Variants in CD274 observed in about 807,000 individuals in gnomAD.
CD274 encodes the protein programmed cell death 1 ligand 1.
Under a neutral mutation model 30.1 loss-of-function variants are expected in CD274, and 8 were observed. The ratio of observed to expected loss-of-function variants is 0.27; its 90% CI spans 0.16 to 0.48. CD274 has a LOEUF of 0.48. Among genes scored for constraint, CD274 ranks in the 20% least tolerant of loss-of-function variants. CD274 has a pLI of 0.99. For missense variants in CD274, 353 were observed against 346.6 expected (o/e 1.02, Z -0.15); for synonymous variants, 152 against 124.6 (o/e 1.22, Z -1.46).
chr9:5,460,456 C>T (rs1819384628), intron 3 of CD274, among the ~76,000 whole-genome samples: 1 of 152,068 alleles, frequency 6.6e-6, no homozygotes. Flanking sequence ...GTATTTTTCA[C>T]ATTTTGTTGT....
At position 5,469,291 on chromosome 9, in the gene CD274, T is replaced by C. The variant is rs998554261; in HGVS notation, c.*1429T>C. 4.3e-6 allele frequency: 1 copy of C among 232,736 alleles called. No homozygotes were observed. Among genetic ancestry groups the C allele is most frequent in the Non-Finnish European group, 8.5e-6 (1 of 117,830 alleles). The allele number at this position is 232,736 out of a possible 1,614,324, so 14.4% of individuals were successfully genotyped here. A position where few individuals can be genotyped will look rare whatever the true frequency, so the allele number is the denominator to read the frequency against. On this transcript the variant is annotated 3_prime_UTR_variant, in exon 7 of 7. Coordinates refer to ENST00000381577, the MANE Select transcript of CD274 (RefSeq NM_014143.4). ...GTTTAACAGTTCTGTCTTTTCTATT[T>C]AAATGCCACTAAATTTTAAATTCAT...
Position 5,466,694 on chromosome 9 carries a change from G to A in CD274, c.791-76G>A, listed in dbSNP as rs543758353. ...GGATTACAAATGTTTCACAGAACTT[G>A]AAATTTAAACTTGGGTCACTGTATG... is the stretch of plus-strand genomic sequence containing the variant. On this transcript the variant is annotated intron_variant, in intron 5 of 6. Transcript: ENST00000381577. 174 of 1,100,230 alleles carry A rather than the reference G, an allele frequency of 1.6e-4. 1 individual carries two copies. The South Asian group carries it at 2.4e-3, about 15-fold the overall frequency. 68.2% of individuals were successfully genotyped at this position (1,100,230 alleles called of 1,614,324 possible).
At position 5,468,090 on chromosome 9, in the gene CD274, G is replaced by A. The variant is rs959479467; in HGVS notation, c.*228G>A. The A allele has an allele frequency of 3.6e-6, 2 of 558,142 alleles. No homozygotes were observed. The highest frequency in any genetic ancestry group is 6.4e-6 in the Non-Finnish European group (2 of 313,268). The allele number at this position is 558,142 out of a possible 1,614,324, so 34.6% of individuals were successfully genotyped here. ...GAGGGAGACCTTGATACTTTCAAAT[G>A]CCTGAGGGGCTCATCGACGCCTGTG... On this transcript the variant is annotated 3_prime_UTR_variant, in exon 7 of 7. Transcript: ENST00000381577.
Position 5,465,553 on chromosome 9 carries a change from C to G in CD274, c.737C>G (p.Ala246Gly), listed in dbSNP as rs2131229964. The stretch of plus-strand genomic sequence containing the variant: ...AGGACTCACTTGGTAATTCTGGGAG[C>G]CATCTTATTATGCCTTGGTGTAGCA... Reference protein sequence around the residue: ...NERTHLVILGAILLCLGVALT... With the variant: ...NERTHLVILGGILLCLGVALT... The change falls in exon 5 of 7, where the codon GCC (alanine) becomes GGC (glycine). Residue 246 changes from alanine (A) to glycine (G), a missense_variant. Coordinates refer to ENST00000381577, the MANE Select transcript of CD274 (RefSeq NM_014143.4). 1 of 1,612,270 alleles carries G rather than the reference C, an allele frequency of 6.2e-7. No homozygotes were observed. The highest frequency in any genetic ancestry group is 8.5e-7 in the Non-Finnish European group (1 of 1,178,364).
chr9:5,457,243 G>C lies in CD274; in HGVS notation c.217G>C (p.Asp73His), dbSNP rs1324540301. The change falls in exon 3 of 7, where the codon GAC becomes CAC. Residue 73 changes from aspartate (D) to histidine (H), a missense_variant. Asp to His is a moderately conservative substitution (Grantham distance 81). Transcript: ENST00000381577. ...TATTCAATTTGTGCATGGAGAGGAA[G>C]ACCTGAAGGTTCAGCATAGTAGCTA... The part of the protein sequence containing the change: ...NIIQFVHGEE[D>H]LKVQHSSYRQ... 6.2e-7 allele frequency: 1 copy of C among 1,614,108 alleles called. No homozygotes were observed. Among genetic ancestry groups the C allele is most frequent in the South Asian group, 1.1e-5 (1 of 91,084 alleles).
At chr9:5,460,533 A>C (rs113640601) in intron 3 of CD274, among the ~76,000 whole-genome samples, 294 of 152,214 alleles carry the variant, frequency 1.9e-3, no homozygotes, top group Non-Finnish European at 3.2e-3. Flanking sequence ...TATTATTCCC[A>C]TTTTAAGGAT....
chr9:5,467,937 G>T lies in CD274; in HGVS notation c.*75G>T. On this transcript the variant is annotated 3_prime_UTR_variant, in exon 7 of 7. Transcript: ENST00000381577. ...TTAGGGGTTCATCGGGGCTGAGCGT[G>T]ACAAGAGGAAGGAATGGGCCCGTGG... The T allele has an allele frequency of 1.5e-6, 2 of 1,332,106 alleles. No individual in the cohort carries two copies. Among genetic ancestry groups the T allele is most frequent in the South Asian group, 2.3e-5 (2 of 85,162 alleles). The allele number at this position is 1,332,106 out of a possible 1,614,324, so 82.5% of individuals were successfully genotyped here.
In CD274 at chr9:5,457,175, T is replaced by G; in HGVS notation, c.149T>G (p.Leu50Arg). The G allele has an allele frequency of 6.2e-7, 1 of 1,613,274 alleles. No individual in the cohort carries two copies. The highest frequency in any genetic ancestry group is 8.5e-7 in the Non-Finnish European group (1 of 1,179,188). ...TTCCCAGTAGAAAAACAATTAGACC[T>G]GGCTGCACTAATTGTCTATTGGGAA... ...CKFPVEKQLD[L>R]AALIVYWEME... Residue 50 changes from leucine (L) to arginine (R), a missense_variant, in exon 3 of 7, where the codon CTG (leucine) becomes CGG (arginine). Transcript: ENST00000381577.
rs753140219 is a variant in CD274, at chr9:5,468,185, G to A, written c.*323G>A. The A allele has an allele frequency of 1.1e-5, 4 of 368,800 alleles. No individual in the cohort carries two copies. Among genetic ancestry groups the A allele is most frequent in the Non-Finnish European group, 2.0e-5 (4 of 203,422 alleles). 22.8% of individuals were successfully genotyped at this position (368,800 alleles called of 1,614,324 possible). On this transcript the variant is annotated 3_prime_UTR_variant, in exon 7 of 7. Coordinates refer to ENST00000381577, the MANE Select transcript of CD274 (RefSeq NM_014143.4). Reference sequence around the variant, plus strand: ...CATCCATTGCTCATCCTAGGAAGACGGGTTGAGAATCCCTAATTTGAGGGT... The same window carrying A: ...CATCCATTGCTCATCCTAGGAAGACAGGTTGAGAATCCCTAATTTGAGGGT...
At chr9:5,452,061 T>C (rs1282247969) in intron 1 of CD274, among the ~76,000 whole-genome samples, 2 of 147,180 alleles carry the variant, frequency 1.4e-5, no homozygotes, top group Admixed American at 6.9e-5. Context: ...AGTCTCACTC[T>C]GTTGCCCATG....
intron 4 of CD274, among the ~76,000 whole-genome samples, chr9:5,464,882 T>A (rs1819469801): frequency 6.6e-6 from 1 of 151,916 alleles, no homozygotes; most frequent in South Asian, 2.1e-4. Context: ...AGGTCAGGAG[T>A]TTGTGACCAG....
In CD274 at chr9:5,469,603, G is replaced by A. The variant is rs753594251; in HGVS notation, c.*1741G>A. 1.3e-4 allele frequency: 31 copies of A among 232,048 alleles called. No homozygotes were observed. Among genetic ancestry groups the A allele is most frequent in the Non-Finnish European group, 2.5e-4 (29 of 117,438 alleles). 14.4% of individuals were successfully genotyped at this position (232,048 alleles called of 1,614,324 possible). A position where few individuals can be genotyped will look rare whatever the true frequency, so the allele number is the denominator to read the frequency against. ...ATGGAATGAATTTGAAGTTCCCAGG[G>A]CTGAGGATCCATGCCTTCTTTGTTT... On this transcript the variant is annotated 3_prime_UTR_variant, in exon 7 of 7. Coordinates refer to ENST00000381577, the MANE Select transcript of CD274 (RefSeq NM_014143.4).
chr9:5,463,355 A>T, intron 4 of CD274: 1 of 521,226 alleles, frequency 1.9e-6, no homozygotes, highest in Non-Finnish European at 3.5e-6. Flanking sequence ...GCATTGTAGT[A>T]CTCATTGGAT....
chr9:5,463,988 G>T (rs1536926), intron 4 of CD274, among the ~76,000 whole-genome samples: 81,890 of 151,844 alleles, frequency 0.54, 22,505 homozygotes, highest in East Asian at 0.87. Flanking sequence ...GAGAAGAGCT[G>T]CTCACTGCCC....
intron 3 of CD274, 82 bp downstream of exon 3, chr9:5,457,502 C>G: frequency 9.1e-7 from 1 of 1,099,982 alleles, no homozygotes; most frequent in Non-Finnish European, 1.3e-6. Flanking sequence ...CTTGTAAGTC[C>G]ATACTTATTT....
At chr9:5,458,039 A>G (rs1257812383) in intron 3 of CD274, among the ~76,000 whole-genome samples, 1 of 152,206 alleles carries the variant, frequency 6.6e-6, no homozygotes, top group East Asian at 1.9e-4. Context: ...GTACAGGATA[A>G]GCCATACTTA....
In CD274 at chr9:5,457,430, A is replaced by G. The variant is rs752966457; in HGVS notation, c.394+10A>G. ...ACTGTGAAAGTCAATGGTAAGAATTATTATAGATGAGAGGCCTGATCTTTA... is the reference window on the plus strand; with the variant it reads ...ACTGTGAAAGTCAATGGTAAGAATTGTTATAGATGAGAGGCCTGATCTTTA... On this transcript the variant is annotated intron_variant, in intron 3 of 6. Transcript: ENST00000381577. 1.9e-6 allele frequency: 3 copies of G among 1,603,362 alleles called. No individual in the cohort carries two copies. The highest frequency in any genetic ancestry group is 2.2e-5 in the East Asian group (1 of 44,788).
At position 5,469,314 on chromosome 9, in the gene CD274, CA is replaced by C. The variant is rs1312980229; in HGVS notation, c.*1453del. The C allele has an allele frequency of 1.7e-5, 4 of 232,526 alleles. No individual in the cohort carries two copies. Among genetic ancestry groups the C allele is most frequent in the African/African-American group, 8.8e-5 (4 of 45,262 alleles). The allele number at this position is 232,526 out of a possible 1,614,324, so 14.4% of individuals were successfully genotyped here. On this transcript the variant is annotated 3_prime_UTR_variant, in exon 7 of 7. Transcript: ENST00000381577. ...TTTAAATGCCACTAAATTTTAAATT[CA>C]TACCTTTCCATGATTCAAAATTCAA...
At chr9:5,456,682 A>G (rs1020572399) in intron 2 of CD274, among the ~76,000 whole-genome samples, 3 of 152,254 alleles carry the variant, frequency 2.0e-5, no homozygotes, top group Non-Finnish European at 4.4e-5. Context: ...GGAAGTAAAA[A>G]GAGATGACTG....
Sources: allele counts gnomAD v4.1 joint callset (sites outside exome capture counted in the v4.1 genomes callset), GRCh38; gene constraint gnomAD v4.1.1; transcripts MANE v1.5; gene names NCBI Gene and HGNC (gene_info 2026-07-23, HGNC 2026-07-21).